Variants in TMEM72 observed in about 807,000 individuals in gnomAD.
TMEM72 encodes the protein transmembrane protein 72.
In TMEM72, 9 loss-of-function variants were observed where a neutral mutation model predicts 16.3. The ratio of observed to expected loss-of-function variants is 0.55; its 90% CI spans 0.33 to 0.96. The LOEUF (loss-of-function observed/expected upper bound fraction) is 0.96. TMEM72 is among the 40% of genes least tolerant of loss of function. TMEM72 has a pLI of 0.03. For synonymous variants in TMEM72, 160 were observed against 146.5 expected (o/e 1.09, Z -0.66); for missense variants, 324 against 337.8 (o/e 0.96, Z 0.32).
chr10:44,927,948 TC>T lies in TMEM72; in HGVS notation c.100del (p.Leu34SerfsTer47), dbSNP rs1840224763. 1 of 1,613,798 alleles carries T rather than the reference TC, an allele frequency of 6.2e-7. No individual in the cohort carries two copies. The highest frequency in any genetic ancestry group is 1.7e-5 in the Admixed American group (1 of 60,000). On this transcript the variant is annotated frameshift_variant, in exon 2 of 5. Coordinates refer to ENST00000389583, the MANE Select transcript of TMEM72 (RefSeq NM_001123376.3). LOFTEE classifies it high-confidence loss of function. ...TTGATCGGCGTGGGCACTGAGACCT[TC>T]CTCCAGGGCCAGTTCAAAAGCCTGG... The part of the protein sequence containing the change: ...AVLIGVGTET[F>X]LQGQFKSLAF...
chr10:44,927,851 G>T (rs970011450), intron 1 of TMEM72, 70 bp from the exon 2 acceptor site: 72 of 1,492,834 alleles, frequency 4.8e-5, no homozygotes, highest in Non-Finnish European at 6.2e-5. Flanking sequence ...CACAGCCAAG[G>T]TACCCTCAAC....
rs1168415448 is a variant in TMEM72 at position 44,936,673 on chromosome 10, GAAC to G, written c.*1542_*1544del. On this transcript the variant is annotated 3_prime_UTR_variant, in exon 5 of 5. Transcript: ENST00000389583. ...TGACTGTCTACAGTCAGGGAATAGT[GAAC>G]AATATGGGATATGGGTATAGGTAGG... 2.0e-5 allele frequency: 3 copies of G among 152,224 alleles called. No individual in the cohort carries two copies. The highest frequency in any genetic ancestry group is 2.4e-5 in the African/African-American group (1 of 41,460). 9.4% of individuals were successfully genotyped at this position (152,224 alleles called of 1,614,324 possible). A position where few individuals can be genotyped will look rare whatever the true frequency, so the allele number is the denominator to read the frequency against.
At chr10:44,918,323 A>G (rs1840041821) in intron 1 of TMEM72, among the ~76,000 whole-genome samples, 1 of 152,122 alleles carries the variant, frequency 6.6e-6, no homozygotes, top group Non-Finnish European at 1.5e-5. Flanking sequence ...GTGCCAATGA[A>G]CCATATGGGT....
intron 1 of TMEM72, among the ~76,000 whole-genome samples, chr10:44,922,716 T>C (rs1334255772): frequency 2.0e-5 from 3 of 152,222 alleles, no homozygotes; most frequent in African/African-American, 4.8e-5. Context: ...AGATCCTCTA[T>C]GAAGTCTTAA....
chr10:44,934,723 C>G lies in TMEM72; in HGVS notation c.417C>G (p.Ala139=). ...GCAAGCGGAAGAAGAGGAAAGCTGCCCCCGAGGTGCTGGCCTCCCCAGAGC... is the reference window on the plus strand; with the variant it reads ...GCAAGCGGAAGAAGAGGAAAGCTGCGCCCGAGGTGCTGGCCTCCCCAGAGC... ...LLSKRKKRKA[A]PEVLASPEQY... The change falls in exon 5 of 5, where the codon GCC becomes GCG. Residue 139 remains alanine, a synonymous_variant. Coordinates refer to ENST00000389583, the MANE Select transcript of TMEM72 (RefSeq NM_001123376.3). 5 of 1,611,640 alleles carry G rather than the reference C, an allele frequency of 3.1e-6. No homozygotes were observed. The highest frequency in any genetic ancestry group is 4.2e-6 in the Non-Finnish European group (5 of 1,179,332).
At chr10:44,918,867 G>A (rs1446709408) in intron 1 of TMEM72, among the ~76,000 whole-genome samples, 1 of 152,070 alleles carries the variant, frequency 6.6e-6, no homozygotes, top group Non-Finnish European at 1.5e-5. Flanking sequence ...CGGTAACAGT[G>A]AGAAGACAGT....
chr10:44,928,540 AC>A (rs997759691), intron 2 of TMEM72, among the ~76,000 whole-genome samples: 3 of 148,428 alleles, frequency 2.0e-5, no homozygotes, highest in East Asian at 4.1e-4. Context: ...CCATCCACCC[AC>A]CCATTTATCC....
chr10:44,921,047 G>C (rs1174231092), intron 1 of TMEM72, among the ~76,000 whole-genome samples: 1 of 152,204 alleles, frequency 6.6e-6, no homozygotes, highest in Admixed American at 6.5e-5. Flanking sequence ...ACAACAAACA[G>C]CTCAGGAAAG....
At chr10:44,931,589 C>T (rs377058659) in intron 2 of TMEM72, among the ~76,000 whole-genome samples, 3 of 152,196 alleles carry the variant, frequency 2.0e-5, no homozygotes, top group African/African-American at 7.2e-5. Context: ...ATGTAATCAA[C>T]AGCTCCTGGT....
intron 2 of TMEM72, among the ~76,000 whole-genome samples, chr10:44,930,656 C>A (rs1214978889): frequency 6.6e-6 from 1 of 152,156 alleles, no homozygotes; most frequent in Non-Finnish European, 1.5e-5. Context: ...TAGGCTCACA[C>A]TGGGAGGCAT....
At chr10:44,917,886 A>C (rs997006271) in intron 1 of TMEM72, among the ~76,000 whole-genome samples, 4 of 152,182 alleles carry the variant, frequency 2.6e-5, no homozygotes, top group Admixed American at 2.0e-4. Context: ...GAGACCTAAA[A>C]GAAATTTCTC....
In TMEM72 at chr10:44,933,754, G is replaced by T. The variant is rs941854889; in HGVS notation, c.327G>T (p.Leu109=). ...LSVACFLHPV[L]VWHVTIPGSM... ...TGGCCTGCTTCCTCCACCCGGTCCT[G>T]GTCTGGCACGTGACCATCCCAGGTA... is the stretch of plus-strand genomic sequence containing the variant. The change falls in exon 4 of 5, where the codon CTG becomes CTT. Residue 109 remains leucine (L), a synonymous_variant. Coordinates refer to ENST00000389583, the MANE Select transcript of TMEM72 (RefSeq NM_001123376.3). 1 of 1,613,904 alleles carries T rather than the reference G, an allele frequency of 6.2e-7. No individual in the cohort carries two copies. Among genetic ancestry groups the T allele is most frequent in the Admixed American group, 1.7e-5 (1 of 59,996 alleles).
intron 3 of TMEM72, 50 bp from the exon 4 acceptor site, chr10:44,933,587 C>T (rs2132731145): frequency 6.3e-7 from 1 of 1,579,224 alleles, no homozygotes; most frequent in East Asian, 2.3e-5. Flanking sequence ...TCCAGTCTTG[C>T]TGGGGTTTTC....
chr10:44,914,215 G>A (rs79793637), intron 1 of TMEM72, among the ~76,000 whole-genome samples: 2,597 of 152,340 alleles, frequency 0.017, 78 homozygotes, highest in African/African-American at 0.057. Context: ...CCCATATCAT[G>A]AGGGGTTGTA....
At position 44,915,517 on chromosome 10, in the gene TMEM72, C is replaced by T. The variant is rs1012965696; in HGVS notation, c.70+3935C>T. ...ATGGTCTGCTCCTGAGACTCCACTC[C>T]TAATCGTTATTTCCTCCACCTGAAT... is the stretch of plus-strand genomic sequence containing the variant. On this transcript the variant is annotated intron_variant, in intron 1 of 4. Coordinates refer to ENST00000389583, the MANE Select transcript of TMEM72 (RefSeq NM_001123376.3). Among the ~76,000 whole-genome samples, 23 of 152,054 alleles carry T rather than the reference C, an allele frequency of 1.5e-4. 1 individual carries two copies. Among genetic ancestry groups the T allele is most frequent in the African/African-American group, 5.6e-4 (23 of 41,328 alleles).
At chr10:44,919,158 C>T (rs1840055309) in intron 1 of TMEM72, among the ~76,000 whole-genome samples, 1 of 152,166 alleles carries the variant, frequency 6.6e-6, no homozygotes, top group South Asian at 2.1e-4. Context: ...CAGAAGGAAA[C>T]TCCCTCAACC....
At chr10:44,913,944 A>G (rs766800477) in intron 1 of TMEM72, among the ~76,000 whole-genome samples, 7 of 152,190 alleles carry the variant, frequency 4.6e-5, no homozygotes, top group Non-Finnish European at 1.0e-4. Flanking sequence ...CTAGGAAGAC[A>G]TGTGACCCAA....
intron 3 of TMEM72, 135 bp from the exon 4 acceptor site, chr10:44,933,502 C>G: frequency 8.2e-7 from 1 of 1,226,356 alleles, no homozygotes; most frequent in Non-Finnish European, 1.1e-6. Context: ...CACCAAGGAC[C>G]GCTAGGGCTT....
chr10:44,918,291 G>A (rs1003966315), intron 1 of TMEM72, among the ~76,000 whole-genome samples: 3 of 152,090 alleles, frequency 2.0e-5, no homozygotes, highest in East Asian at 1.9e-4. Flanking sequence ...GCTATTCTAC[G>A]TGGGAGACAC....
Sources: gnomAD v4.1 joint callset for allele counts (sites outside exome capture counted in the v4.1 genomes callset) on GRCh38, gnomAD v4.1.1 for gene constraint, MANE v1.5 for transcripts, NCBI Gene and HGNC (gene_info 2026-07-23, HGNC 2026-07-21) for gene names.